COL4A3: variants seen among roughly 807,000 people sequenced by gnomAD.
COL4A3 encodes collagen type IV alpha 3 chain, also known as collagen alpha-3(IV) chain.
Under a neutral mutation model 217.4 loss-of-function variants are expected in COL4A3, and 135 were observed. The observed-to-expected ratio is 0.62, with a 90% CI of 0.54 to 0.72. The LOEUF (loss-of-function observed/expected upper bound fraction) is 0.72. Ranked by LOEUF, COL4A3 falls within the 30% of genes least tolerant of loss-of-function variation. COL4A3 has a pLI of 0.00. For synonymous variants in COL4A3, 690 were observed against 736.3 expected (o/e 0.94, Z 1.02); for missense variants, 1,868 against 2,119.9 (o/e 0.88, Z 2.33).
chr2:227,292,825 T>C (rs542085493), intron 37 of COL4A3, among the ~76,000 whole-genome samples: 1 of 152,302 alleles, frequency 6.6e-6, no homozygotes, highest in South Asian at 2.1e-4. Flanking sequence ...GCAGGGACTG[T>C]GTATGTCATA....
At chr2:227,208,771 C>CACACACACAT (rs2067197275) in intron 1 of COL4A3, among the ~76,000 whole-genome samples, 1 of 110,640 alleles carries the variant, frequency 9.0e-6, no homozygotes, top group African/African-American at 3.6e-5. Context: ...TGGTTACACA[C>CACACACACAT]ACACACACAC....
chr2:227,246,194 C>A, intron 6 of COL4A3, 178 bp downstream of exon 6: 1 of 655,672 alleles, frequency 1.5e-6, no homozygotes, highest in Non-Finnish European at 2.7e-6. Flanking sequence ...TCCTTGCTTT[C>A]TAATTGTCTT....
intron 1 of COL4A3, among the ~76,000 whole-genome samples, chr2:227,200,310 T>C (rs2066636342): frequency 2.0e-5 from 3 of 152,234 alleles, no homozygotes; most frequent in South Asian, 4.2e-4. Flanking sequence ...ATTCACAAAG[T>C]TTTTCCTGGG....
chr2:227,267,020 G>A lies in COL4A3; in HGVS notation c.1436G>A (p.Cys479Tyr). ...GAACCAGGCCTCCTGTGTACACAGT[G>A]CCCTTATATCCCAGGGCCTCCCGGT... ...KGEPGLLCTQCPYIPGPPGLP... is the reference protein window; with the variant it reads ...KGEPGLLCTQYPYIPGPPGLP... The change falls in exon 23 of 52, where the codon TGC (cysteine) becomes TAC (tyrosine). Residue 479 changes from cysteine (C) to tyrosine (Y), a missense_variant. By Grantham distance (194) the Cys-to-Tyr change is radical (BLOSUM62 -2). Coordinates refer to ENST00000396578, the MANE Select transcript of COL4A3 (RefSeq NM_000091.5). 2 of 1,613,962 alleles carry A rather than the reference G, an allele frequency of 1.2e-6. No individual in the cohort carries two copies. Among genetic ancestry groups the A allele is most frequent in the Non-Finnish European group, 8.5e-7 (1 of 1,179,890 alleles).
rs566018816 is a variant in COL4A3, at chr2:227,272,215, C to A, written c.1759-734C>A. Among the ~76,000 whole-genome samples the A allele has an allele frequency of 3.3e-5, 5 of 152,194 alleles. No individual in the cohort carries two copies. In the South Asian group the frequency reaches 1.0e-3, roughly 32 times the overall value. ...ATATTAAGAGAATTTGTATGATGTC[C>A]CTACTTGCATCTCACTGATTTTTCT... On this transcript the variant is annotated intron_variant, in intron 25 of 51. Coordinates refer to ENST00000396578, the MANE Select transcript of COL4A3 (RefSeq NM_000091.5).
At position 227,313,215 on chromosome 2, in the gene COL4A3, G is replaced by A. The variant is rs1364545206; in HGVS notation, c.*1345G>A. 3 of 152,566 alleles carry A rather than the reference G, an allele frequency of 2.0e-5. No individual in the cohort carries two copies. Among genetic ancestry groups the A allele is most frequent in the Non-Finnish European group, 4.4e-5 (3 of 68,036 alleles). 9.5% of individuals were successfully genotyped at this position (152,566 alleles called of 1,614,324 possible). On this transcript the variant is annotated 3_prime_UTR_variant, in exon 52 of 52. Transcript: ENST00000396578. ...AATATCCCAGAAAAAGTAACTCATT[G>A]CTCTGTTAATAATCTCACATATACA...
intron 15 of COL4A3, among the ~76,000 whole-genome samples, chr2:227,255,053 G>A (rs2070067218): frequency 6.6e-6 from 1 of 152,096 alleles, no homozygotes; most frequent in Non-Finnish European, 1.5e-5. Context: ...ACAACTTCAG[G>A]CTAATGGCAT....
chr2:227,217,097 C>T (rs1162454311), intron 1 of COL4A3, among the ~76,000 whole-genome samples: 1 of 152,174 alleles, frequency 6.6e-6, no homozygotes, highest in African/African-American at 2.4e-5. Flanking sequence ...GGAGGCCTCA[C>T]AGTCATGGCA....
chr2:227,273,128 T>A lies in COL4A3; in HGVS notation c.1927+11T>A. On this transcript the variant is annotated intron_variant, in intron 26 of 51. Coordinates refer to ENST00000396578, the MANE Select transcript of COL4A3 (RefSeq NM_000091.5). ...CACCCGGAGAAGCCGGTTGGTTAGTTTTCTTTCCAGTCCTGTTTTCCGATG... is the reference window on the plus strand; with the variant it reads ...CACCCGGAGAAGCCGGTTGGTTAGTATTCTTTCCAGTCCTGTTTTCCGATG... The A allele has an allele frequency of 1.2e-6, 2 of 1,612,882 alleles. No homozygotes were observed. Among genetic ancestry groups the A allele is most frequent in the Non-Finnish European group, 1.7e-6 (2 of 1,179,970 alleles).
At chr2:227,301,169 C>T (rs1469424960) in intron 43 of COL4A3, among the ~76,000 whole-genome samples, 1 of 152,208 alleles carries the variant, frequency 6.6e-6, no homozygotes, top group East Asian at 1.9e-4. Context: ...CCTTAATGAA[C>T]TGCCTTTTGA....
At chr2:227,298,008 A>C in intron 42 of COL4A3, 149 bp downstream of exon 42, 1 of 926,116 alleles carries the variant, frequency 1.1e-6, no homozygotes, top group South Asian at 1.4e-5. Context: ...CATACCCAGC[A>C]GTTGTCAAGG....
chr2:227,166,226 A>G (rs2065271735), intron 1 of COL4A3, among the ~76,000 whole-genome samples: 1 of 152,238 alleles, frequency 6.6e-6, no homozygotes, highest in Non-Finnish European at 1.5e-5. Context: ...CTGTTTGTGT[A>G]GCTGGTTCTA....
At chr2:227,193,163 T>G (rs1040265598) in intron 1 of COL4A3, among the ~76,000 whole-genome samples, 56 of 152,186 alleles carry the variant, frequency 3.7e-4, no homozygotes, top group African/African-American at 1.4e-3. Context: ...TCATTCCCAG[T>G]GCTCATAGAA....
At chr2:227,283,376 C>A (rs2072105178) in intron 32 of COL4A3, among the ~76,000 whole-genome samples, 2 of 152,262 alleles carry the variant, frequency 1.3e-5, no homozygotes, top group African/African-American at 2.4e-5. Flanking sequence ...AGTCAGTGGA[C>A]AAGTCTCCCC....
chr2:227,241,088 A>C (rs1198822645), intron 3 of COL4A3, among the ~76,000 whole-genome samples: 2 of 152,192 alleles, frequency 1.3e-5, no homozygotes, highest in South Asian at 4.2e-4. Flanking sequence ...TCCCGAGTCT[A>C]TGACCCTTCA....
In COL4A3 at chr2:227,284,199, C is replaced by A; in HGVS notation, c.2747-12C>A. The stretch of plus-strand genomic sequence containing the variant: ...GAATTAAGGACCTGATGTTGTTACT[C>A]CTGTCTGTTAGGGAGCCCTGGAATT... On this transcript the variant is annotated splice_polypyrimidine_tract_variant and intron_variant, in intron 33 of 51. Transcript: ENST00000396578. The A allele has an allele frequency of 6.2e-7, 1 of 1,613,960 alleles. No individual in the cohort carries two copies. The highest frequency in any genetic ancestry group is 8.5e-7 in the Non-Finnish European group (1 of 1,179,976).
chr2:227,264,891 T>G (rs2125976381), intron 21 of COL4A3: 1 of 152,364 alleles, frequency 6.6e-6, no homozygotes, highest in Non-Finnish European at 1.5e-5. Flanking sequence ...CAGGGGTCTT[T>G]GCTTCCTACT....
At chr2:227,179,841 C>A (rs188503607) in intron 1 of COL4A3, among the ~76,000 whole-genome samples, 2 of 151,928 alleles carry the variant, frequency 1.3e-5, no homozygotes, top group African/African-American at 2.4e-5. Context: ...CATGTTATAA[C>A]GAGGTAAATA....
At chr2:227,214,101 C>A (rs1182682361) in intron 1 of COL4A3, among the ~76,000 whole-genome samples, 1 of 151,962 alleles carries the variant, frequency 6.6e-6, no homozygotes, top group Admixed American at 6.6e-5. Context: ...TTCATTTTAT[C>A]CTCCGCATAT....
Sources: allele counts gnomAD v4.1 joint callset (sites outside exome capture counted in the v4.1 genomes callset), GRCh38; gene constraint gnomAD v4.1.1; transcripts MANE v1.5; gene names NCBI Gene and HGNC (gene_info 2026-07-23, HGNC 2026-07-21).